Variants in XPO1 observed in about 807,000 individuals in gnomAD.
The protein encoded by XPO1 is exportin 1, also known as exportin-1.
In XPO1, 5 loss-of-function variants were observed where a neutral mutation model predicts 133.3. The ratio of observed to expected loss-of-function variants is 0.04; its 90% CI spans 0.02 to 0.08. The LOEUF is 0.08. Among genes scored for constraint, XPO1 ranks in the 10% least tolerant of loss-of-function variants. The pLI is 1.00. For missense variants in XPO1, 506 were observed against 1,267.5 expected, an observed-to-expected ratio of 0.40 and a Z score of 9.12; for synonymous variants, 419 against 408.2, an observed-to-expected ratio of 1.03 and a Z score of -0.32.
intron 11 of XPO1, among the ~76,000 whole-genome samples, chr2:61,495,041 A>G (rs1697179575): frequency 6.6e-6 from 1 of 151,920 alleles, no homozygotes; most frequent in African/African-American, 2.4e-5. Context: ...ACAGAGATTC[A>G]CGATGTAGGC....
chr2:61,530,762 CCA>C (rs1699116797), intron 2 of XPO1, among the ~76,000 whole-genome samples: 1 of 150,214 alleles, frequency 6.7e-6, no homozygotes, highest in South Asian at 2.1e-4. Flanking sequence ...GCTTTTTTTC[CCA>C]GTTGACTTTA....
intron 3 of XPO1, 28 bp from the exon 4 acceptor site, chr2:61,522,711 A>G: frequency 2.0e-6 from 3 of 1,534,062 alleles, no homozygotes; most frequent in Non-Finnish European, 2.7e-6. Flanking sequence ...GAAGCATGTG[A>G]ATATATTGCT....
chr2:61,497,677 A>G (rs764841563), intron 9 of XPO1, among the ~76,000 whole-genome samples: 10 of 152,214 alleles, frequency 6.6e-5, no homozygotes, highest in Admixed American at 1.3e-4. Context: ...TCTAAGAGTA[A>G]TAAGAATATG....
At chr2:61,527,931 CTT>C (rs879696205) in intron 2 of XPO1, among the ~76,000 whole-genome samples, 2 of 144,282 alleles carry the variant, frequency 1.4e-5, no homozygotes, top group Non-Finnish European at 3.0e-5. Flanking sequence ...TTTTTTCTCT[CTT>C]TTTTTTTTTT....
intron 2 of XPO1, among the ~76,000 whole-genome samples, chr2:61,532,894 G>A (rs931098070): frequency 2.7e-5 from 4 of 149,888 alleles, no homozygotes; most frequent in Non-Finnish European, 5.9e-5. Flanking sequence ...AAACATGTTT[G>A]GGCCAGCACG....
chr2:61,484,177 G>T, intron 20 of XPO1, 72 bp from the exon 21 acceptor site: 1 of 1,334,088 alleles, frequency 7.5e-7, no homozygotes, highest in African/African-American at 1.5e-5. Context: ...GGAAAAGCAA[G>T]GCTTAATCCA....
intron 4 of XPO1, among the ~76,000 whole-genome samples, chr2:61,514,517 C>T (rs1573187814): frequency 6.6e-6 from 1 of 151,222 alleles, no homozygotes; most frequent in East Asian, 1.9e-4. Context: ...CGCTTGAACC[C>T]GGGAAACAGA....
intron 2 of XPO1, among the ~76,000 whole-genome samples, chr2:61,528,136 A>G (rs560720223): frequency 8.6e-5 from 13 of 152,018 alleles, no homozygotes; most frequent in Non-Finnish European, 1.5e-5. Flanking sequence ...TGTATTGGCC[A>G]GGCTGGTCTT....
At chr2:61,531,855 T>C (rs759253753) in intron 2 of XPO1, among the ~76,000 whole-genome samples, 13 of 152,212 alleles carry the variant, frequency 8.5e-5, no homozygotes, top group Non-Finnish European at 1.8e-4. Context: ...CTTTAGGAGA[T>C]AATATACTGA....
At chr2:61,525,285 C>T (rs908257393) in intron 3 of XPO1, 2 of 985,662 alleles carry the variant, frequency 2.0e-6, no homozygotes, top group Non-Finnish European at 1.2e-6. Flanking sequence ...GGAGGCCTGC[C>T]GTCAAAGCCT....
chr2:61,488,661 T>C lies in XPO1; in HGVS notation c.2133A>G (p.Gly711=), dbSNP rs1696810096. 2 of 1,613,918 alleles carry C rather than the reference T, an allele frequency of 1.2e-6. No homozygotes were observed. Among genetic ancestry groups the C allele is most frequent in the Non-Finnish European group, 1.7e-6 (2 of 1,179,878 alleles). Residue 711 remains glycine (G), a synonymous_variant, in exon 18 of 25, where the codon GGA becomes GGG. Transcript: ENST00000401558. ...AVGHPFVIQL[G]RIYLDMLNVY... ...CATTAAGCATATCTAAATAAATTCT[T>C]CCAAGCTGAATTACAAAGGGGTGTC...
chr2:61,478,815 G>C lies in XPO1; in HGVS notation c.*5C>G. On this transcript the variant is annotated 3_prime_UTR_variant, in exon 25 of 25. Transcript: ENST00000401558. Reference sequence around the variant, plus strand: ...CAGAGAAAAAAAACAGCATGAATTTGGATTTTAATCACACATTTCTTCTGG... The same window carrying C: ...CAGAGAAAAAAAACAGCATGAATTTCGATTTTAATCACACATTTCTTCTGG... 2 of 1,612,390 alleles carry C rather than the reference G, an allele frequency of 1.2e-6. No individual in the cohort carries two copies. The highest frequency in any genetic ancestry group is 1.7e-6 in the Non-Finnish European group (2 of 1,179,370).
intron 4 of XPO1, among the ~76,000 whole-genome samples, chr2:61,513,814 TAC>T (rs1265739532): frequency 6.6e-6 from 1 of 152,062 alleles, no homozygotes; most frequent in Non-Finnish European, 1.5e-5. Context: ...TTGCAAAATA[TAC>T]AGTTAACAAA....
At chr2:61,494,758 T>TTGTG (rs570171080) in intron 11 of XPO1, 2 of 146,778 alleles carry the variant, frequency 1.4e-5, no homozygotes, top group African/African-American at 5.0e-5. Context: ...TGCCACTGAA[T>TTGTG]TGTGTGTGTG....
chr2:61,530,955 T>G (rs1699125678), intron 2 of XPO1, among the ~76,000 whole-genome samples: 1 of 152,156 alleles, frequency 6.6e-6, no homozygotes, highest in South Asian at 2.1e-4. Context: ...AATAGGTGCT[T>G]TTAAACCTCA....
At chr2:61,480,841 T>C (rs1466428791) in intron 24 of XPO1, among the ~76,000 whole-genome samples, 4 of 152,134 alleles carry the variant, frequency 2.6e-5, no homozygotes, top group Admixed American at 2.6e-4. Flanking sequence ...ATCTAGTAAC[T>C]TTCACAAGTT....
At chr2:61,515,942 CACACACA>C (rs1698364053) in intron 4 of XPO1, among the ~76,000 whole-genome samples, 6 of 48,538 alleles carry the variant, frequency 1.2e-4, no homozygotes, top group Admixed American at 2.4e-4. Flanking sequence ...AAAAACCACA[CACACACA>C]CACACACACA....
At chr2:61,488,499 CTG>C (rs1696803537) in intron 18 of XPO1, 87 bp downstream of exon 18, 1 of 1,400,118 alleles carries the variant, frequency 7.1e-7, no homozygotes, top group Non-Finnish European at 9.8e-7. Context: ...TGATTTAAAT[CTG>C]TAAAAAACAT....
intron 4 of XPO1, among the ~76,000 whole-genome samples, chr2:61,509,040 G>C (rs1304476360): frequency 6.6e-6 from 1 of 152,042 alleles, no homozygotes; most frequent in Non-Finnish European, 1.5e-5. Flanking sequence ...CATTCTTGTG[G>C]CCCAGGCTGG....
Sources: gnomAD v4.1 joint callset for allele counts (sites outside exome capture counted in the v4.1 genomes callset) on GRCh38, gnomAD v4.1.1 for gene constraint, MANE v1.5 for transcripts, NCBI Gene and HGNC (gene_info 2026-07-23, HGNC 2026-07-21) for gene names.